The following PPME1 variants were observed in gnomAD, a reference collection of about 807,000 sequenced individuals.
PPME1 encodes the protein testicular secretory protein Li 39.
A neutral mutation model predicts 56.9 loss-of-function variants in PPME1; 17 were observed. That is an observed-to-expected ratio of 0.30 (90% CI 0.20 to 0.45). The LOEUF is 0.45. Ranked by LOEUF, PPME1 falls within the 20% of genes least tolerant of loss-of-function variation. The pLI is 1.00. For missense variants in PPME1, 357 were observed against 483.2 expected, an observed-to-expected ratio of 0.74 and a Z score of 2.45; for synonymous variants, 122 against 156.2, an observed-to-expected ratio of 0.78 and a Z score of 1.63.
Position 74,253,640 on chromosome 11 carries a change from C to T in PPME1, c.*130C>T, listed in dbSNP as rs1859761848. 1 of 1,036,876 alleles carries T rather than the reference C, an allele frequency of 9.6e-7. No individual in the cohort carries two copies. Among genetic ancestry groups the T allele is most frequent in the African/African-American group, 1.6e-5 (1 of 63,464 alleles). The allele number at this position is 1,036,876 out of a possible 1,614,324, so 64.2% of individuals were successfully genotyped here. A position where few individuals can be genotyped will look rare whatever the true frequency, so the allele number is the denominator to read the frequency against. On this transcript the variant is annotated 3_prime_UTR_variant, in exon 14 of 14. Coordinates refer to ENST00000328257, the MANE Select transcript of PPME1 (RefSeq NM_016147.3). ...GACACTGGCTCCCGGTAGACGGGCA[C>T]CCCGAGATGTACCAACCTTTTCATG...
At chr11:74,239,463 A>G (rs1859290866) in intron 9 of PPME1, among the ~76,000 whole-genome samples, 1 of 151,990 alleles carries the variant, frequency 6.6e-6, no homozygotes, top group Non-Finnish European at 1.5e-5. Flanking sequence ...AACTTACGCT[A>G]TATACCCTCC....
At chr11:74,237,275 C>CTGTTTTTTTTTTTTTTT (rs1859215072) in intron 8 of PPME1, among the ~76,000 whole-genome samples, 1 of 128,032 alleles carries the variant, frequency 7.8e-6, no homozygotes, top group African/African-American at 3.2e-5. Context: ...GTCTGGTTGT[C>CTGTTTTTTTTTTTTTTT]TTTTTTTTTT....
intron 3 of PPME1, among the ~76,000 whole-genome samples, chr11:74,214,537 C>T (rs2135638501): frequency 6.6e-6 from 1 of 151,408 alleles, no homozygotes; most frequent in Non-Finnish European, 1.5e-5. Flanking sequence ...TAATCAAACT[C>T]CCAGAGGTCA....
In PPME1 at chr11:74,192,984, G is replaced by A. The variant is rs1005731269; in HGVS notation, c.102-10744G>A. On this transcript the variant is annotated intron_variant, in intron 1 of 13. Coordinates refer to ENST00000328257, the MANE Select transcript of PPME1 (RefSeq NM_016147.3). ...TTCTCACCTAAAAAAATAAAATACC[G>A]TGTTCAGTAACTTTTTAATCAAACA... Among the ~76,000 whole-genome samples the A allele has an allele frequency of 5.9e-5, 9 of 152,144 alleles. No homozygotes were observed. In the East Asian group the frequency reaches 1.5e-3, roughly 26 times the overall value.
In PPME1 at chr11:74,222,491, T is replaced by TTTGTTG. The variant is rs1858823136; in HGVS notation, c.346+127_346+132dup. ...AACCTGGTCTATTCCATTTGAGCTT[T>TTTGTTG]TTGTTGTTGTCGTTGGAGATGGAGT... is the stretch of plus-strand genomic sequence containing the variant. On this transcript the variant is annotated intron_variant, in intron 4 of 13. Transcript: ENST00000328257. 4 of 885,070 alleles carry TTTGTTG rather than the reference T, an allele frequency of 4.5e-6. No homozygotes were observed. The South Asian group carries it at 6.2e-5, about 14-fold the overall frequency. 54.8% of individuals were successfully genotyped at this position (885,070 alleles called of 1,614,324 possible).
At chr11:74,209,716 A>G (rs1858423926) in intron 3 of PPME1, among the ~76,000 whole-genome samples, 1 of 152,190 alleles carries the variant, frequency 6.6e-6, no homozygotes, top group African/African-American at 2.4e-5. Context: ...TCAATTCTAA[A>G]TATTTGACAT....
intron 13 of PPME1, 39 bp from the exon 14 acceptor site, chr11:74,253,453 G>GT (rs773283075): frequency 3.3e-5 from 53 of 1,586,912 alleles, no homozygotes; most frequent in Non-Finnish European, 4.6e-5. Flanking sequence ...GCTATTGATA[G>GT]TTACATTTGT....
At chr11:74,208,967 A>T (rs1319589420) in intron 3 of PPME1, among the ~76,000 whole-genome samples, 1 of 152,164 alleles carries the variant, frequency 6.6e-6, no homozygotes, top group African/African-American at 2.4e-5. Flanking sequence ...ATAATATATG[A>T]TGAGGGTGGA....
chr11:74,177,019 AT>A (rs986723356), intron 1 of PPME1, among the ~76,000 whole-genome samples: 97 of 151,374 alleles, frequency 6.4e-4, no homozygotes, highest in Middle Eastern at 3.4e-3. Context: ...GCATGAGCCA[AT>A]TTTTTTTTAA....
rs183771874 is a variant in PPME1, at chr11:74,240,818, T to C, written c.834+1562T>C. 1.1e-4 allele frequency among the ~76,000 whole-genome samples: 17 copies of C among 152,334 alleles called. 1 individual carries two copies. The highest frequency in any genetic ancestry group is 1.1e-3 in the Admixed American group (17 of 15,306). On this transcript the variant is annotated intron_variant, in intron 9 of 13. Coordinates refer to ENST00000328257, the MANE Select transcript of PPME1 (RefSeq NM_016147.3). ...GTAATCAAGAACGCATTTAGTAGAT[T>C]TGAGACTCTTAATATAATCAATTGC...
At chr11:74,214,209 C>G (rs1478280541) in intron 3 of PPME1, among the ~76,000 whole-genome samples, 1 of 152,086 alleles carries the variant, frequency 6.6e-6, no homozygotes, top group Non-Finnish European at 1.5e-5. Context: ...AAGAATGCAT[C>G]AGAGTCTCTT....
At position 74,203,578 on chromosome 11, in the gene PPME1, A is replaced by AT. The variant is rs1300388622; in HGVS notation, c.102-150_102-149insT. 2.5e-5 allele frequency: 12 copies of AT among 474,604 alleles called. No homozygotes were observed. In the East Asian group the frequency reaches 3.9e-4, roughly 15 times the overall value. 29.4% of individuals were successfully genotyped at this position (474,604 alleles called of 1,614,324 possible). A position where few individuals can be genotyped will look rare whatever the true frequency, so the allele number is the denominator to read the frequency against. ...AATACAATACATTAAATACATTTTTAATATGATACTTTGTGATGAACTCTT... is the reference window on the plus strand; with the variant it reads ...AATACAATACATTAAATACATTTTTATATATGATACTTTGTGATGAACTCTT... On this transcript the variant is annotated intron_variant, in intron 1 of 13. Transcript: ENST00000328257.
rs1390122869 is a variant in PPME1 at position 74,239,208 on chromosome 11, G to A, written c.786G>A (p.Glu262=). The part of the protein sequence containing the change: ...EGIIEEEEED[E]EGSESISKRK... The stretch of plus-strand genomic sequence containing the variant: ...TCATAGAGGAAGAAGAAGAAGATGA[G>A]GAAGGAAGTGAGTCTATAAGCAAGA... The change falls in exon 9 of 14, where the codon GAG becomes GAA. Residue 262 remains glutamate, a synonymous_variant. Coordinates refer to ENST00000328257, the MANE Select transcript of PPME1 (RefSeq NM_016147.3). The A allele has an allele frequency of 1.2e-6, 2 of 1,613,124 alleles. No homozygotes were observed. Among genetic ancestry groups the A allele is most frequent in the South Asian group, 1.1e-5 (1 of 91,016 alleles).
intron 7 of PPME1, among the ~76,000 whole-genome samples, chr11:74,232,318 C>G (rs1354514394): frequency 6.6e-6 from 1 of 152,212 alleles, no homozygotes; most frequent in Non-Finnish European, 1.5e-5. Flanking sequence ...GGCATACTGC[C>G]CTAGCAGGCA....
chr11:74,225,756 T>C (rs1266990891), intron 5 of PPME1, among the ~76,000 whole-genome samples: 4 of 152,182 alleles, frequency 2.6e-5, no homozygotes, highest in African/African-American at 9.6e-5. Context: ...CTCTTAAAAC[T>C]GCTCACTCAT....
Position 74,253,804 on chromosome 11 carries a change from C to T in PPME1, c.*294C>T, listed in dbSNP as rs765343202. The T allele has an allele frequency of 1.9e-6, 1 of 536,602 alleles. No homozygotes were observed. Among genetic ancestry groups the T allele is most frequent in the African/African-American group, 1.9e-5 (1 of 52,414 alleles). The allele number at this position is 536,602 out of a possible 1,614,324, so 33.2% of individuals were successfully genotyped here. ...CCTGCGTTGCCTAGGGTAAAGCCTC[C>T]AGATTTGCCATACTGAGCCCCTCTT... On this transcript the variant is annotated 3_prime_UTR_variant, in exon 14 of 14. Coordinates refer to ENST00000328257, the MANE Select transcript of PPME1 (RefSeq NM_016147.3).
intron 8 of PPME1, 140 bp downstream of exon 8, chr11:74,236,106 C>A (rs1859183451): frequency 7.5e-7 from 1 of 1,335,772 alleles, no homozygotes; most frequent in Non-Finnish European, 1.0e-6. Flanking sequence ...AAGGTGAGTT[C>A]AGTTGGGACA....
chr11:74,232,860 A>ATTTTTTTTTTTTTT (rs35057762), intron 7 of PPME1, among the ~76,000 whole-genome samples: 15 of 93,846 alleles, frequency 1.6e-4, no homozygotes, highest in East Asian at 2.9e-4. Flanking sequence ...TTGTTATTTG[A>ATTTTTTTTTTTTTT]TTTTTTTTTT....
At chr11:74,242,362 CTG>C (rs895922907) in intron 9 of PPME1, among the ~76,000 whole-genome samples, 15 of 152,312 alleles carry the variant, frequency 9.8e-5, no homozygotes, top group African/African-American at 3.6e-4. Flanking sequence ...AAGTACCACA[CTG>C]TCTTTGTTAT....
Sources: gnomAD v4.1 joint callset for allele counts (sites outside exome capture counted in the v4.1 genomes callset) on GRCh38, gnomAD v4.1.1 for gene constraint, MANE v1.5 for transcripts, NCBI Gene and HGNC (gene_info 2026-07-23, HGNC 2026-07-21) for gene names.